MAGI2: variants seen among roughly 807,000 people sequenced by gnomAD.
The protein encoded by MAGI2 is membrane-associated guanylate kinase, WW and PDZ domain-containing protein 2.
In MAGI2, 35 loss-of-function variants were observed where a neutral mutation model predicts 133.3. The ratio of observed to expected loss-of-function variants is 0.26; its 90% CI spans 0.20 to 0.35. MAGI2 has a LOEUF of 0.35. Ranked by LOEUF, MAGI2 falls within the 10% of genes least tolerant of loss-of-function variation. The pLI, the probability that MAGI2 is intolerant of heterozygous loss-of-function variation, is 1.00. For synonymous variants in MAGI2, 729 were observed against 710.6 expected, an observed-to-expected ratio of 1.03 and a Z score of -0.41; for missense variants, 1,636 against 1,863.4, an observed-to-expected ratio of 0.88 and a Z score of 2.25.
intron 6 of MAGI2, among the ~76,000 whole-genome samples, chr7:78,458,801 A>AT (rs1171469661): frequency 2.0e-5 from 3 of 151,964 alleles, no homozygotes; most frequent in Non-Finnish European, 4.4e-5. Flanking sequence ...CGCCTGGCTA[A>AT]TTTTTTGTAT....
chr7:79,264,938 G>A (rs1055723908), intron 1 of MAGI2, among the ~76,000 whole-genome samples: 1 of 152,080 alleles, frequency 6.6e-6, no homozygotes, highest in East Asian at 1.9e-4. Context: ...AACTAATAGA[G>A]TGAGAAGTTG....
intron 2 of MAGI2, among the ~76,000 whole-genome samples, chr7:78,877,587 T>A (rs1795526368): frequency 6.6e-6 from 1 of 152,208 alleles, no homozygotes; most frequent in African/African-American, 2.4e-5. Flanking sequence ...AAGGCTGTAG[T>A]CAAAGGCACT....
intron 1 of MAGI2, among the ~76,000 whole-genome samples, chr7:79,372,397 C>T (rs1166204367): frequency 6.6e-6 from 1 of 152,040 alleles, no homozygotes; most frequent in African/African-American, 2.4e-5. Flanking sequence ...AAACACAATC[C>T]TCTAGAAAGT....
chr7:79,438,266 GTTCT>G (rs1176824797), intron 1 of MAGI2, among the ~76,000 whole-genome samples: 1 of 152,040 alleles, frequency 6.6e-6, no homozygotes, highest in African/African-American at 2.4e-5. Context: ...CACACACTGT[GTTCT>G]TTAATACCAA....
intron 2 of MAGI2, among the ~76,000 whole-genome samples, chr7:78,676,946 T>C (rs1815106229): frequency 6.6e-6 from 1 of 152,142 alleles, no homozygotes; most frequent in African/African-American, 2.4e-5. Flanking sequence ...GTAGTACTCA[T>C]GACAGGGGAT....
At chr7:79,073,230 T>A (rs1815156657) in intron 1 of MAGI2, among the ~76,000 whole-genome samples, 1 of 152,120 alleles carries the variant, frequency 6.6e-6, no homozygotes, top group African/African-American at 2.4e-5. Context: ...AATTCATAAA[T>A]TAACATAAGA....
chr7:79,015,591 C>G (rs904686652), intron 1 of MAGI2, among the ~76,000 whole-genome samples: 1 of 152,088 alleles, frequency 6.6e-6, no homozygotes, highest in Non-Finnish European at 1.5e-5. Context: ...TGGATCAGTA[C>G]TAATGAAGTT....
chr7:78,737,785 G>A (rs187723308), intron 2 of MAGI2, among the ~76,000 whole-genome samples: 134 of 152,122 alleles, frequency 8.8e-4, no homozygotes, highest in Non-Finnish European at 1.6e-3. Flanking sequence ...TATTTCTAAA[G>A]TAGTTGAGTT....
intron 1 of MAGI2, among the ~76,000 whole-genome samples, chr7:79,408,295 T>C (rs1181257266): frequency 6.6e-6 from 1 of 152,094 alleles, no homozygotes; most frequent in East Asian, 1.9e-4. Flanking sequence ...TTAATTTCAT[T>C]TGTAATCTGC....
intron 3 of MAGI2, among the ~76,000 whole-genome samples, chr7:78,529,555 C>T (rs1043496388): frequency 6.6e-6 from 1 of 151,774 alleles, no homozygotes; most frequent in Non-Finnish European, 1.5e-5. Flanking sequence ...TGTATTAAAT[C>T]CCTTAGAATA....
At chr7:79,405,271 T>C (rs1469036975) in intron 1 of MAGI2, among the ~76,000 whole-genome samples, 1 of 152,064 alleles carries the variant, frequency 6.6e-6, no homozygotes, top group Non-Finnish European at 1.5e-5. Flanking sequence ...CATGCAAATG[T>C]TAGGGGTTAG....
intron 21 of MAGI2, among the ~76,000 whole-genome samples, chr7:78,025,836 A>G (rs1808858377): frequency 6.6e-6 from 1 of 152,192 alleles, no homozygotes; most frequent in Admixed American, 6.5e-5. Flanking sequence ...AGAAGCTCAG[A>G]TTCCCAGGGC....
intron 16 of MAGI2, among the ~76,000 whole-genome samples, chr7:78,140,352 A>C (rs1343560399): frequency 6.6e-6 from 1 of 152,192 alleles, no homozygotes; most frequent in Non-Finnish European, 1.5e-5. Flanking sequence ...TCTGTGACTC[A>C]TGTTTACATT....
intron 2 of MAGI2, among the ~76,000 whole-genome samples, chr7:78,892,317 C>T (rs1313662005): frequency 3.3e-5 from 5 of 152,218 alleles, no homozygotes; most frequent in East Asian, 1.9e-4. Context: ...AGGTAATTTA[C>T]AGATTCAATG....
At chr7:78,417,323 A>G (rs1007607770) in intron 6 of MAGI2, among the ~76,000 whole-genome samples, 1 of 151,532 alleles carries the variant, frequency 6.6e-6, no homozygotes, top group Non-Finnish European at 1.5e-5. Flanking sequence ...AAAAATATTC[A>G]TTGCCTCTGC....
At chr7:79,284,439 C>T (rs1031010354) in intron 1 of MAGI2, among the ~76,000 whole-genome samples, 3 of 152,078 alleles carry the variant, frequency 2.0e-5, no homozygotes, top group Non-Finnish European at 4.4e-5. Context: ...GGGCACCCCA[C>T]TAGACCACAT....
At chr7:78,836,053 G>C (rs921451261) in intron 2 of MAGI2, among the ~76,000 whole-genome samples, 1 of 152,256 alleles carries the variant, frequency 6.6e-6, no homozygotes, top group Non-Finnish European at 1.5e-5. Context: ...GGGTATTCCC[G>C]TAGAATTTTC....
At chr7:78,438,009 T>C (rs1262678887) in intron 6 of MAGI2, among the ~76,000 whole-genome samples, 1 of 152,180 alleles carries the variant, frequency 6.6e-6, no homozygotes, top group East Asian at 1.9e-4. Context: ...ACCAACAGTT[T>C]GTTATTAGTT....
At chr7:79,296,283 A>G (rs930555787) in intron 1 of MAGI2, among the ~76,000 whole-genome samples, 1 of 152,192 alleles carries the variant, frequency 6.6e-6, no homozygotes, top group African/African-American at 2.4e-5. Flanking sequence ...TCCCCTTTTC[A>G]TATAATTTGA....
Sources: allele counts gnomAD v4.1 joint callset (sites outside exome capture counted in the v4.1 genomes callset), GRCh38; gene constraint gnomAD v4.1.1; transcripts MANE v1.5; gene names NCBI Gene and HGNC (gene_info 2026-07-23, HGNC 2026-07-21).